The following FAM163A variants were observed in gnomAD, a reference collection of about 807,000 sequenced individuals.
FAM163A encodes the protein protein FAM163A.
Under a neutral mutation model 12.0 loss-of-function variants are expected in FAM163A, and 7 were observed. The observed-to-expected ratio is 0.58, with a 90% CI of 0.33 to 1.10. The LOEUF is 1.10. FAM163A is among the 50% of genes least tolerant of loss of function. FAM163A has a pLI of 0.03. For missense variants in FAM163A, 202 were observed against 218.6 expected, an observed-to-expected ratio of 0.92 and a Z score of 0.48; for synonymous variants, 101 against 91.0, an observed-to-expected ratio of 1.11 and a Z score of -0.62.
At chr1:179,802,144 C>G (rs1693269767) in intron 1 of FAM163A, among the ~76,000 whole-genome samples, 1 of 152,224 alleles carries the variant, frequency 6.6e-6, no homozygotes, top group Admixed American at 6.5e-5. Flanking sequence ...TTGGTCTGTG[C>G]AAGATCTGTC....
chr1:179,802,888 C>T (rs1693381786), intron 1 of FAM163A, among the ~76,000 whole-genome samples: 1 of 152,182 alleles, frequency 6.6e-6, no homozygotes, highest in South Asian at 2.1e-4. Flanking sequence ...TATTGGGGTT[C>T]TTGGGGGTCT....
intron 1 of FAM163A, among the ~76,000 whole-genome samples, chr1:179,764,960 A>G (rs1242538138): frequency 6.6e-6 from 1 of 152,232 alleles, no homozygotes; most frequent in Non-Finnish European, 1.5e-5. Context: ...AGTAATTGTT[A>G]GCCATGATTA....
chr1:179,746,943 T>G (rs1684553146), intron 1 of FAM163A, among the ~76,000 whole-genome samples: 1 of 152,114 alleles, frequency 6.6e-6, no homozygotes, highest in Non-Finnish European at 1.5e-5. Flanking sequence ...GTAGGCAAGT[T>G]ATGATCATCC....
intron 1 of FAM163A, among the ~76,000 whole-genome samples, chr1:179,748,230 C>T (rs1210183807): frequency 2.0e-5 from 3 of 152,156 alleles, no homozygotes; most frequent in Non-Finnish European, 2.9e-5. Flanking sequence ...GTTTCCACTT[C>T]AAAAGGAAAC....
chr1:179,738,940 A>C (rs887903421), upstream of FAM163A, among the ~76,000 whole-genome samples: 1 of 152,204 alleles, frequency 6.6e-6, no homozygotes, highest in African/African-American at 2.4e-5. Flanking sequence ...TTCAGTAATC[A>C]AGACTGTATG....
chr1:179,813,554 A>T (rs939259209), intron 4 of FAM163A, among the ~76,000 whole-genome samples: 1 of 152,116 alleles, frequency 6.6e-6, no homozygotes, highest in African/African-American at 2.4e-5. Context: ...TGCCCCGCTC[A>T]ACTACAGCCT....
chr1:179,791,335 C>T (rs558762319), intron 1 of FAM163A, among the ~76,000 whole-genome samples: 1 of 152,294 alleles, frequency 6.6e-6, no homozygotes, highest in Non-Finnish European at 1.5e-5. Context: ...TAGACCATAT[C>T]CTTGCGCTGT....
At chr1:179,765,645 A>G (rs1481371970) in intron 1 of FAM163A, among the ~76,000 whole-genome samples, 1 of 151,018 alleles carries the variant, frequency 6.6e-6, no homozygotes, top group Non-Finnish European at 1.5e-5. Flanking sequence ...GGTAAAGTTA[A>G]TAACAACTGG....
At chr1:179,734,629 C>G in the FAM163A span, among the ~76,000 whole-genome samples, 2 of 152,114 alleles carry the variant, frequency 1.3e-5, no homozygotes, top group African/African-American at 2.4e-5. Flanking sequence ...CCTCGGGGGT[C>G]TCTATTTTAA....
At chr1:179,737,164 T>C in the FAM163A span, among the ~76,000 whole-genome samples, 2 of 152,094 alleles carry the variant, frequency 1.3e-5, no homozygotes, top group Non-Finnish European at 2.9e-5. Flanking sequence ...CAAGGAAATA[T>C]TATCACCCTT....
the FAM163A span, among the ~76,000 whole-genome samples, chr1:179,734,350 A>T: frequency 6.6e-6 from 1 of 152,266 alleles, no homozygotes. Context: ...CATCTTTAAA[A>T]AGAAAAACTT....
At chr1:179,727,842 C>G in the FAM163A span, among the ~76,000 whole-genome samples, 1 of 152,164 alleles carries the variant, frequency 6.6e-6, no homozygotes, top group African/African-American at 2.4e-5. Flanking sequence ...CCAAGAAAAA[C>G]ACAGTGAGTG....
intron 1 of FAM163A, among the ~76,000 whole-genome samples, chr1:179,752,740 A>G (rs771400435): frequency 6.6e-6 from 1 of 152,204 alleles, no homozygotes; most frequent in African/African-American, 2.4e-5. Context: ...CAAAACCACA[A>G]TGAGATATTA....
the FAM163A span, chr1:179,730,215 A>G: frequency 3.3e-5 from 5 of 152,272 alleles, no homozygotes; most frequent in Admixed American, 6.5e-5. Flanking sequence ...TCCGAATGCC[A>G]CGTGCTGGCA....
intron 1 of FAM163A, chr1:179,804,174 A>G (rs1430846962): frequency 2.0e-5 from 3 of 152,154 alleles, no homozygotes; most frequent in African/African-American, 7.2e-5. Flanking sequence ...CACATCTGCT[A>G]AGAATATAGA....
At chr1:179,753,533 G>A (rs997041269) in intron 1 of FAM163A, among the ~76,000 whole-genome samples, 39 of 152,298 alleles carry the variant, frequency 2.6e-4, no homozygotes, top group African/African-American at 9.1e-4. Flanking sequence ...TCATAGTGTA[G>A]TTTCCTGAGA....
At chr1:179,734,356 A>G in the FAM163A span, among the ~76,000 whole-genome samples, 1 of 152,220 alleles carries the variant, frequency 6.6e-6, no homozygotes, top group Non-Finnish European at 1.5e-5. Context: ...TAAAAAGAAA[A>G]ACTTGAATGC....
chr1:179,798,281 G>C (rs559488547), intron 1 of FAM163A, among the ~76,000 whole-genome samples: 20 of 152,334 alleles, frequency 1.3e-4, no homozygotes, highest in African/African-American at 4.1e-4. Context: ...AGCTCTCTAA[G>C]TGAGGGTGGA....
At chr1:179,797,670 G>A (rs1020629798) in intron 1 of FAM163A, among the ~76,000 whole-genome samples, 1 of 152,136 alleles carries the variant, frequency 6.6e-6, no homozygotes, top group African/African-American at 2.4e-5. Context: ...ATATTAAAAT[G>A]TCATGTTTTA....
Sources: allele counts gnomAD v4.1 joint callset (sites outside exome capture counted in the v4.1 genomes callset), GRCh38; gene constraint gnomAD v4.1.1; transcripts MANE v1.5; gene names NCBI Gene and HGNC (gene_info 2026-07-23, HGNC 2026-07-21).